Variants in EYA2 observed in about 807,000 individuals in gnomAD.
The protein encoded by EYA2 is protein phosphatase EYA2.
Under a neutral mutation model 69.2 loss-of-function variants are expected in EYA2, and 31 were observed. The ratio of observed to expected loss-of-function variants is 0.45; its 90% CI spans 0.34 to 0.60. The LOEUF is 0.60. Among genes scored for constraint, EYA2 ranks in the 20% least tolerant of loss-of-function variants. EYA2 has a pLI of 0.02. For missense variants in EYA2, 622 were observed against 701.2 expected (o/e 0.89, Z 1.28); for synonymous variants, 257 against 279.4 (o/e 0.92, Z 0.80).
chr20:46,994,356 T>G (rs887477051), intron 2 of EYA2, among the ~76,000 whole-genome samples: 2 of 152,234 alleles, frequency 1.3e-5, no homozygotes, highest in African/African-American at 4.8e-5. Flanking sequence ...GTATCCTGTC[T>G]CTGGGAAGGG....
intron 1 of EYA2, among the ~76,000 whole-genome samples, chr20:46,963,124 A>G (rs1979573226): frequency 6.6e-6 from 1 of 152,208 alleles, no homozygotes; most frequent in Admixed American, 6.5e-5. Flanking sequence ...TTGCTTGATG[A>G]CACACCCTGT....
intron 9 of EYA2, among the ~76,000 whole-genome samples, chr20:47,097,875 G>A (rs1332283955): frequency 6.6e-6 from 1 of 152,192 alleles, no homozygotes; most frequent in Non-Finnish European, 1.5e-5. Context: ...CACGCATGGG[G>A]TGGAAGGGCA....
At chr20:47,108,799 C>T (rs939612705) in intron 9 of EYA2, among the ~76,000 whole-genome samples, 2 of 151,976 alleles carry the variant, frequency 1.3e-5, no homozygotes, top group African/African-American at 4.8e-5. Flanking sequence ...AAGCGATCCT[C>T]CCCCCTCAGC....
intron 1 of EYA2, among the ~76,000 whole-genome samples, chr20:46,948,823 C>A (rs759394098): frequency 6.6e-6 from 1 of 152,224 alleles, no homozygotes; most frequent in Non-Finnish European, 1.5e-5. Flanking sequence ...GAGCACTGTT[C>A]TTCATTCAAG....
intron 10 of EYA2, among the ~76,000 whole-genome samples, chr20:47,147,585 A>C (rs2033728613): frequency 6.6e-6 from 1 of 152,200 alleles, no homozygotes. Flanking sequence ...TTTGGGTAAC[A>C]GCCAAGGGTG....
intron 10 of EYA2, among the ~76,000 whole-genome samples, chr20:47,162,195 C>T (rs146377866): frequency 2.0e-5 from 3 of 152,254 alleles, no homozygotes; most frequent in African/African-American, 7.2e-5. Context: ...TGAAGGCCCA[C>T]GCTAAGGTCC....
At chr20:47,008,982 T>G (rs1018622771) in intron 4 of EYA2, among the ~76,000 whole-genome samples, 1 of 152,270 alleles carries the variant, frequency 6.6e-6, no homozygotes, top group African/African-American at 2.4e-5. Context: ...TCTGCCATTG[T>G]GGCGTGAAAG....
intron 1 of EYA2, among the ~76,000 whole-genome samples, chr20:46,938,575 C>T (rs1986019500): frequency 6.6e-6 from 1 of 152,068 alleles, no homozygotes. Context: ...CAGTTCCTCC[C>T]CACATAGGCC....
chr20:47,178,699 A>G (rs1036693216), intron 12 of EYA2, among the ~76,000 whole-genome samples: 25 of 151,204 alleles, frequency 1.7e-4, no homozygotes, highest in African/African-American at 5.6e-4. Flanking sequence ...TTCAGTGCCT[A>G]TTACAATATC....
chr20:47,012,998 T>A (rs1275899794), intron 4 of EYA2, among the ~76,000 whole-genome samples: 1 of 152,246 alleles, frequency 6.6e-6, no homozygotes, highest in Non-Finnish European at 1.5e-5. Context: ...TTTGCCATTT[T>A]CATATTCTCT....
At chr20:46,924,691 A>G (rs937062317) in intron 1 of EYA2, among the ~76,000 whole-genome samples, 1 of 144,738 alleles carries the variant, frequency 6.9e-6, no homozygotes, top group Non-Finnish European at 1.5e-5. Context: ...AAAAAAAAAA[A>G]AAGCCCCAAG....
At chr20:47,174,558 G>A (rs11698219) in intron 12 of EYA2, among the ~76,000 whole-genome samples, 1,711 of 152,266 alleles carry the variant, frequency 0.011, 12 homozygotes, top group Non-Finnish European at 0.016. Context: ...TTTCCCATCC[G>A]TTCTTTGGGA....
intron 5 of EYA2, among the ~76,000 whole-genome samples, chr20:47,031,857 A>G (rs1984438179): frequency 6.6e-6 from 1 of 152,150 alleles, no homozygotes; most frequent in Non-Finnish European, 1.5e-5. Context: ...AAAAAGGAAA[A>G]AAAATGCACC....
At chr20:47,119,096 C>G (rs1416791724) in intron 9 of EYA2, among the ~76,000 whole-genome samples, 4 of 152,200 alleles carry the variant, frequency 2.6e-5, no homozygotes, top group African/African-American at 9.6e-5. Flanking sequence ...TTCCTTTACA[C>G]TTAACTAGCA....
intron 14 of EYA2, among the ~76,000 whole-genome samples, chr20:47,182,837 C>T (rs1040267602): frequency 2.1e-4 from 32 of 150,264 alleles, no homozygotes; most frequent in Admixed American, 1.7e-3. Flanking sequence ...CTCAGGAGGC[C>T]GAGGCAGGAG....
At chr20:47,186,051 C>A (rs1438823587) in intron 15 of EYA2, among the ~76,000 whole-genome samples, 1 of 152,150 alleles carries the variant, frequency 6.6e-6, no homozygotes, top group Non-Finnish European at 1.5e-5. Flanking sequence ...AATGACACTC[C>A]CTGGAGAGGC....
Position 47,172,693 on chromosome 20 carries a change from T to G in EYA2, c.1038-14T>G. On this transcript the variant is annotated splice_polypyrimidine_tract_variant and intron_variant, in intron 11 of 15. Coordinates refer to ENST00000327619, the MANE Select transcript of EYA2 (RefSeq NM_005244.5). Reference sequence around the variant, plus strand: ...CCCTGCACTAACACTGTCCCTCCCCTCCTCTCTCCGCAGCACATACAACTT... The same window carrying G: ...CCCTGCACTAACACTGTCCCTCCCCGCCTCTCTCCGCAGCACATACAACTT... The G allele has an allele frequency of 6.2e-7, 1 of 1,600,080 alleles. No individual in the cohort carries two copies. Among genetic ancestry groups the G allele is most frequent in the Non-Finnish European group, 8.5e-7 (1 of 1,172,658 alleles).
At chr20:47,024,878 A>G (rs1983988977) in intron 5 of EYA2, among the ~76,000 whole-genome samples, 2 of 152,218 alleles carry the variant, frequency 1.3e-5, no homozygotes, top group South Asian at 2.1e-4. Flanking sequence ...GCATTGGTTC[A>G]TTTGTAATTT....
intron 3 of EYA2, among the ~76,000 whole-genome samples, chr20:47,003,497 T>C (rs369948684): frequency 4.6e-5 from 7 of 152,372 alleles, no homozygotes; most frequent in African/African-American, 1.7e-4. Context: ...CAGACCCAGG[T>C]ACGCTGAAGC....
Sources: gnomAD v4.1 joint callset for allele counts (sites outside exome capture counted in the v4.1 genomes callset) on GRCh38, gnomAD v4.1.1 for gene constraint, MANE v1.5 for transcripts, NCBI Gene and HGNC (gene_info 2026-07-23, HGNC 2026-07-21) for gene names.